Variants in AATF observed in about 807,000 individuals in gnomAD.
AATF encodes apoptosis antagonizing transcription factor.
Under a neutral mutation model 63.7 loss-of-function variants are expected in AATF, and 48 were observed. That is an observed-to-expected ratio of 0.75 (90% CI 0.60 to 0.96). AATF has a LOEUF of 0.96. Among genes scored for constraint, AATF ranks in the 40% least tolerant of loss-of-function variants. AATF has a pLI of 0.00. For missense variants in AATF, 639 were observed against 685.7 expected (o/e 0.93, Z 0.76); for synonymous variants, 258 against 247.7 (o/e 1.04, Z -0.39).
chr17:36,982,275 A>G (rs1344778251), intron 4 of AATF, among the ~76,000 whole-genome samples: 1 of 146,154 alleles, frequency 6.8e-6, no homozygotes, highest in Non-Finnish European at 1.5e-5. Flanking sequence ...GAAGCATTAT[A>G]GATGACTCTT....
At chr17:37,030,050 T>C (rs926280331) in intron 10 of AATF, among the ~76,000 whole-genome samples, 1 of 152,102 alleles carries the variant, frequency 6.6e-6, no homozygotes, top group African/African-American at 2.4e-5. Context: ...TTTTCTGTAT[T>C]TTATACCTTT....
chr17:36,960,566 G>A (rs1282538323), intron 4 of AATF, among the ~76,000 whole-genome samples: 2 of 152,154 alleles, frequency 1.3e-5, no homozygotes, highest in Non-Finnish European at 2.9e-5. Flanking sequence ...TTTTATCACT[G>A]AAATCCCCCC....
intron 11 of AATF, chr17:37,055,207 A>G (rs1323432040): frequency 2.0e-5 from 3 of 152,238 alleles, no homozygotes; most frequent in African/African-American, 7.2e-5. Flanking sequence ...AATTCCTGTA[A>G]TAAAATTGGA....
At chr17:36,995,003 C>T (rs577332385) in intron 8 of AATF, among the ~76,000 whole-genome samples, 26 of 152,270 alleles carry the variant, frequency 1.7e-4, no homozygotes, top group African/African-American at 5.3e-4. Context: ...TATCCCAGAT[C>T]GCAAACTAGT....
At chr17:37,010,097 T>C (rs1406401941) in intron 8 of AATF, among the ~76,000 whole-genome samples, 2 of 152,214 alleles carry the variant, frequency 1.3e-5, no homozygotes, top group South Asian at 4.1e-4. Flanking sequence ...AACACTGAAA[T>C]GGTATGTGTG....
rs867694682 is a variant in AATF at position 37,013,236 on chromosome 17, A to G, written c.1399-5769A>G. Among the ~76,000 whole-genome samples the G allele has an allele frequency of 4.6e-5, 7 of 152,346 alleles. No homozygotes were observed. In the South Asian group the frequency reaches 1.2e-3, roughly 27 times the overall value. ...AGGAAGATGCTCTGCATCATTAGCC[A>G]TTAGGGAAATGCAAATCAAAGCTGC... On this transcript the variant is annotated intron_variant, in intron 8 of 11. Coordinates refer to ENST00000619387, the MANE Select transcript of AATF (RefSeq NM_012138.4).
intron 8 of AATF, among the ~76,000 whole-genome samples, chr17:37,004,246 G>A (rs1302100203): frequency 6.6e-6 from 1 of 152,158 alleles, no homozygotes; most frequent in African/African-American, 2.4e-5. Context: ...CAGGAGAATT[G>A]CTTGAATTCA....
Position 36,949,016 on chromosome 17 carries a change from T to C in AATF, c.-110T>C. 1 of 1,062,402 alleles carries C rather than the reference T, an allele frequency of 9.4e-7. No individual in the cohort carries two copies. Among genetic ancestry groups the C allele is most frequent in the Non-Finnish European group, 1.4e-6 (1 of 735,182 alleles). The allele number at this position is 1,062,402 out of a possible 1,614,324, so 65.8% of individuals were successfully genotyped here. ...GGCCTCCGCGCGGTCTCTGGCGGAG[T>C]CGGGGAATCGGATCAAGGCGAGAGG... On this transcript the variant is annotated 5_prime_UTR_variant, in exon 1 of 12. Transcript: ENST00000619387.
At chr17:36,990,624 C>T in intron 7 of AATF, 150 bp from the exon 8 acceptor site, 2 of 511,794 alleles carry the variant, frequency 3.9e-6, no homozygotes, top group Non-Finnish European at 6.9e-6. Flanking sequence ...TGCCTGTTTT[C>T]ATATTGGACT....
At chr17:36,971,591 A>G (rs529288506) in intron 4 of AATF, among the ~76,000 whole-genome samples, 10 of 152,350 alleles carry the variant, frequency 6.6e-5, no homozygotes, top group Non-Finnish European at 1.5e-4. Flanking sequence ...TGCCCTAGAA[A>G]AATGAAGACA....
At chr17:36,954,001 T>G in intron 4 of AATF, 94 bp downstream of exon 4, 1 of 1,391,216 alleles carries the variant, frequency 7.2e-7, no homozygotes, top group South Asian at 1.4e-5. Context: ...GAGCCATGTT[T>G]ATTGTGCTTT....
intron 8 of AATF, among the ~76,000 whole-genome samples, chr17:37,017,140 G>A (rs1276734548): frequency 6.6e-6 from 1 of 152,188 alleles, no homozygotes; most frequent in Non-Finnish European, 1.5e-5. Context: ...TTGTGCTGGG[G>A]CAGCCTTCCA....
chr17:37,020,947 A>C lies in AATF; in HGVS notation c.1480A>C (p.Ile494Leu). The C allele has an allele frequency of 6.2e-7, 1 of 1,612,030 alleles. No individual in the cohort carries two copies. The highest frequency in any genetic ancestry group is 8.5e-7 in the Non-Finnish European group (1 of 1,179,020). ...QVAMGRQWLA[I>L]QKLRSKIHKK... ...TGAATTTTCCAGGCAGTGGCTTGCAATCCAGAAGTTACGAAGCAAAATCCA... is the reference window on the plus strand; with the variant it reads ...TGAATTTTCCAGGCAGTGGCTTGCACTCCAGAAGTTACGAAGCAAAATCCA... Residue 494 changes from isoleucine to leucine, a missense_variant, in exon 10 of 12, where the codon ATC becomes CTC. Ile to Leu is a conservative substitution (Grantham distance 5, BLOSUM62 2). Transcript: ENST00000619387.
intron 11 of AATF, among the ~76,000 whole-genome samples, chr17:37,048,375 T>C (rs1055588721): frequency 1.4e-5 from 2 of 142,626 alleles, no homozygotes; most frequent in African/African-American, 5.2e-5. Flanking sequence ...TTTTTTTTTT[T>C]TTTTTTTTTT....
At chr17:37,047,263 C>G (rs1022539108) in intron 11 of AATF, among the ~76,000 whole-genome samples, 1 of 152,152 alleles carries the variant, frequency 6.6e-6, no homozygotes, top group Non-Finnish European at 1.5e-5. Context: ...CCCCTTTTGT[C>G]TGAAGAGTGG....
chr17:36,950,482 G>C (rs1370824318), intron 2 of AATF, 77 bp downstream of exon 2: 3 of 1,408,076 alleles, frequency 2.1e-6, no homozygotes, highest in Non-Finnish European at 2.9e-6. Context: ...CATCCCCCAT[G>C]ATCTTTGCAA....
At chr17:37,020,848 AG>A (rs1431444596) in intron 9 of AATF, 85 bp from the exon 10 acceptor site, 23 of 1,078,182 alleles carry the variant, frequency 2.1e-5, no homozygotes, top group African/African-American at 3.3e-5. Flanking sequence ...TTCTTTCTGC[AG>A]GGTTGTTAGA....
chr17:36,953,907 A>G lies in AATF; in HGVS notation c.832A>G (p.Ser278Gly). 1.9e-6 allele frequency: 3 copies of G among 1,613,542 alleles called. No homozygotes were observed. The highest frequency in any genetic ancestry group is 2.2e-5 in the South Asian group (2 of 90,926). ...AGAATTTTCCAGTGCCCTGAAAAAT[A>G]GTAAGAATACTTATGTCCTGTTGGA... is the stretch of plus-strand genomic sequence containing the variant. Reference protein sequence around the residue: ...GPEFSSALKNSHKALKALLRS... With the variant: ...GPEFSSALKNGHKALKALLRS... Residue 278 changes from serine to glycine, a missense_variant and splice_region_variant, in exon 4 of 12, where the codon AGT becomes GGT. Ser to Gly is a moderately conservative substitution (Grantham distance 56). Coordinates refer to ENST00000619387, the MANE Select transcript of AATF (RefSeq NM_012138.4).
In AATF at chr17:36,949,215, A is replaced by G. The variant is rs1448305648; in HGVS notation, c.90A>G (p.Glu30=). Residue 30 remains glutamate (E), a splice_region_variant and synonymous_variant, in exon 1 of 12, where the codon GAA becomes GAG. Transcript: ENST00000619387. ...CGGACCCTGAAGCGGACCCCGAGGA[A>G]GGTGAGGCCGGACTGGGGCAGGCCA... is the stretch of plus-strand genomic sequence containing the variant. The part of the protein sequence containing the change: ...SEADPEADPE[E]ATAARVIDRF... 6.3e-7 allele frequency: 1 copy of G among 1,588,820 alleles called. No homozygotes were observed. The highest frequency in any genetic ancestry group is 1.8e-5 in the Admixed American group (1 of 55,306).
Sources: allele counts gnomAD v4.1 joint callset (sites outside exome capture counted in the v4.1 genomes callset), GRCh38; gene constraint gnomAD v4.1.1; transcripts MANE v1.5; gene names NCBI Gene and HGNC (gene_info 2026-07-23, HGNC 2026-07-21).